Variants in PRKG1 observed in about 807,000 individuals in gnomAD.
The protein encoded by PRKG1 is protein kinase cGMP-dependent 1.
In PRKG1, 35 loss-of-function variants were observed where a neutral mutation model predicts 88.1. The observed-to-expected ratio is 0.40, with a 90% CI of 0.30 to 0.53. PRKG1 has a LOEUF of 0.53. Among genes scored for constraint, PRKG1 ranks in the 20% least tolerant of loss-of-function variants. The pLI is 0.59. For synonymous variants in PRKG1, 303 were observed against 292.5 expected (o/e 1.04, Z -0.37); for missense variants, 540 against 839.8 (o/e 0.64, Z 4.41).
intron 3 of PRKG1, among the ~76,000 whole-genome samples, chr10:51,745,871 G>A (rs1264110867): frequency 1.3e-5 from 2 of 152,100 alleles, no homozygotes; most frequent in Middle Eastern, 3.4e-3. Context: ...ATACACAGGG[G>A]TCTCATGATG....
chr10:51,497,215 A>G (rs1840884237), intron 3 of PRKG1, among the ~76,000 whole-genome samples: 1 of 152,206 alleles, frequency 6.6e-6, no homozygotes, highest in African/African-American at 2.4e-5. Context: ...TTAAATTTAC[A>G]ACTAATTCTT....
intron 1 of PRKG1, among the ~76,000 whole-genome samples, chr10:51,041,000 T>C (rs556114690): frequency 1.4e-4 from 22 of 152,152 alleles, no homozygotes; most frequent in Non-Finnish European, 3.1e-4. Context: ...TTGCTCTAGC[T>C]AGGACTTCTA....
intron 4 of PRKG1, among the ~76,000 whole-genome samples, chr10:51,858,836 C>G (rs1840789238): frequency 6.6e-6 from 1 of 152,100 alleles, no homozygotes; most frequent in Admixed American, 6.6e-5. Flanking sequence ...ATGCCTTAAA[C>G]ACTTTTTCCC....
intron 1 of PRKG1, among the ~76,000 whole-genome samples, chr10:51,041,634 G>A (rs1436962391): frequency 6.6e-6 from 1 of 151,956 alleles, no homozygotes; most frequent in Non-Finnish European, 1.5e-5. Context: ...ATTAGGGCCT[G>A]GAATGGGACC....
At chr10:51,501,207 A>G (rs912724734) in intron 3 of PRKG1, among the ~76,000 whole-genome samples, 1 of 152,146 alleles carries the variant, frequency 6.6e-6, no homozygotes, top group African/African-American at 2.4e-5. Flanking sequence ...GTTTATAACC[A>G]AAGGATTATA....
At chr10:52,097,557 G>A (rs1353532895) in intron 7 of PRKG1, among the ~76,000 whole-genome samples, 2 of 151,852 alleles carry the variant, frequency 1.3e-5, no homozygotes, top group African/African-American at 2.4e-5. Flanking sequence ...CATTTGTTTT[G>A]TTTTGTTTTT....
At chr10:51,724,994 G>A (rs1005981409) in intron 3 of PRKG1, among the ~76,000 whole-genome samples, 1 of 151,486 alleles carries the variant, frequency 6.6e-6, no homozygotes, top group Admixed American at 6.6e-5. Flanking sequence ...GCAGGCGTGA[G>A]CCACTGCACC....
intron 7 of PRKG1, chr10:52,062,855 A>G (rs1183494969): frequency 2.8e-6 from 2 of 706,606 alleles, no homozygotes; most frequent in Non-Finnish European, 2.6e-6. Flanking sequence ...TCAGTGTTAT[A>G]TTAATTGGAA....
chr10:51,958,904 A>T (rs546329579), intron 5 of PRKG1, among the ~76,000 whole-genome samples: 1 of 152,286 alleles, frequency 6.6e-6, no homozygotes, highest in East Asian at 1.9e-4. Flanking sequence ...AATATTTTAC[A>T]GATGACTATG....
chr10:51,262,523 A>T (rs550215763), intron 2 of PRKG1, among the ~76,000 whole-genome samples: 1 of 149,360 alleles, frequency 6.7e-6, no homozygotes, highest in South Asian at 2.1e-4. Flanking sequence ...TTATTGCCTA[A>T]GGATGAAATT....
chr10:51,481,919 A>G (rs1840371582), intron 3 of PRKG1, among the ~76,000 whole-genome samples: 1 of 152,168 alleles, frequency 6.6e-6, no homozygotes, highest in East Asian at 1.9e-4. Flanking sequence ...AGGCCTTTTT[A>G]AGAGGGGGTT....
chr10:51,388,377 T>G (rs1216267397), intron 2 of PRKG1, among the ~76,000 whole-genome samples: 1 of 152,180 alleles, frequency 6.6e-6, no homozygotes, highest in Non-Finnish European at 1.5e-5. Context: ...CCCCTGAATT[T>G]AAGTCCAGGA....
chr10:52,290,076 A>G, intron 16 of PRKG1, 148 bp from the exon 17 acceptor site: 2 of 588,892 alleles, frequency 3.4e-6, no homozygotes, highest in Non-Finnish European at 6.0e-6. Context: ...AACTATTAGG[A>G]AAACATATGC....
chr10:52,083,465 C>T (rs747853128), intron 7 of PRKG1, among the ~76,000 whole-genome samples: 3 of 151,898 alleles, frequency 2.0e-5, no homozygotes, highest in Non-Finnish European at 2.9e-5. Context: ...TTATGTGATC[C>T]GGAACACTTT....
chr10:51,642,167 G>A (rs778626244), intron 3 of PRKG1, among the ~76,000 whole-genome samples: 12 of 151,990 alleles, frequency 7.9e-5, no homozygotes, highest in Non-Finnish European at 1.3e-4. Context: ...CAAGGCGGCC[G>A]GATCACAAGG....
At chr10:51,099,357 G>GT (rs1397570161) in intron 1 of PRKG1, among the ~76,000 whole-genome samples, 1 of 149,192 alleles carries the variant, frequency 6.7e-6, no homozygotes, top group Non-Finnish European at 1.5e-5. Flanking sequence ...GTATTAAATT[G>GT]TTTTTTCCTT....
chr10:51,014,486 A>T (rs1663573889), intron 1 of PRKG1, among the ~76,000 whole-genome samples: 1 of 152,188 alleles, frequency 6.6e-6, no homozygotes, highest in Non-Finnish European at 1.5e-5. Context: ...AAAATCCAAG[A>T]GGTAAGTAAT....
intron 3 of PRKG1, among the ~76,000 whole-genome samples, chr10:51,715,914 T>C (rs1224128071): frequency 6.6e-6 from 1 of 152,238 alleles, no homozygotes; most frequent in Non-Finnish European, 1.5e-5. Context: ...AGCTTGTCAT[T>C]AGACGGGTGG....
chr10:51,624,656 C>A (rs771189057), intron 3 of PRKG1, among the ~76,000 whole-genome samples: 2 of 152,032 alleles, frequency 1.3e-5, no homozygotes, highest in Non-Finnish European at 2.9e-5. Flanking sequence ...ACAGTTGTGG[C>A]CACAGAGATG....
Sources: allele counts gnomAD v4.1 joint callset (sites outside exome capture counted in the v4.1 genomes callset), GRCh38; gene constraint gnomAD v4.1.1; transcripts MANE v1.5; gene names NCBI Gene and HGNC (gene_info 2026-07-23, HGNC 2026-07-21).